Variants in ABCG5 observed in about 807,000 individuals in gnomAD.
ABCG5 encodes ATP-binding cassette sub-family G member 5.
Under a neutral mutation model 64.5 loss-of-function variants are expected in ABCG5, and 64 were observed. The observed-to-expected ratio is 0.99, with a 90% CI of 0.81 to 1.22. The LOEUF is 1.22. Ranked by LOEUF, ABCG5 falls within the 50% of genes most tolerant of loss-of-function variation. The probability of loss-of-function intolerance (pLI) is 0.00; values close to 1 mark genes in which losing one functional copy is unlikely to be tolerated. For synonymous variants in ABCG5, 385 were observed against 326.3 expected, an observed-to-expected ratio of 1.18 and a Z score of -1.94; for missense variants, 908 against 829.5, an observed-to-expected ratio of 1.09 and a Z score of -1.16.
the ABCG5 span, among the ~76,000 whole-genome samples, chr2:43,806,664 T>G: frequency 6.6e-6 from 1 of 152,206 alleles, no homozygotes; most frequent in African/African-American, 2.4e-5. Flanking sequence ...CTGTTTATAT[T>G]GTATAATGAT....
Position 43,813,866 on chromosome 2 carries a change from G to A in ABCG5, c.1763-557C>T, listed in dbSNP as rs531674434. Among the ~76,000 whole-genome samples, 18 of 151,570 alleles carry A rather than the reference G, an allele frequency of 1.2e-4. No individual in the cohort carries two copies. In the South Asian group the frequency reaches 3.3e-3, roughly 28 times the overall value. On this transcript the variant is annotated intron_variant, in intron 12 of 12. Coordinates refer to ENST00000405322, the MANE Select transcript of ABCG5 (RefSeq NM_022436.3). The stretch of plus-strand genomic sequence containing the variant: ...CTGTGTAGCTGGGATTTACAGGCAC[G>A]CACCACCACGCCTGGCTAATTTTTG...
At chr2:43,820,727 C>T (rs1376824452) in intron 10 of ABCG5, among the ~76,000 whole-genome samples, 2 of 152,206 alleles carry the variant, frequency 1.3e-5, no homozygotes, top group Non-Finnish European at 2.9e-5. Flanking sequence ...GATCTTGGCT[C>T]ATTGCAACCT....
At chr2:43,824,518 C>A (rs1457960416) in intron 7 of ABCG5, 86 bp from the exon 8 acceptor site, 2 of 1,595,632 alleles carry the variant, frequency 1.3e-6, no homozygotes, top group Non-Finnish European at 1.7e-6. Context: ...GGAGTACTGG[C>A]CATAATACCT....
intron 10 of ABCG5, among the ~76,000 whole-genome samples, chr2:43,820,660 G>A (rs1179669041): frequency 2.6e-5 from 4 of 151,910 alleles, no homozygotes. Flanking sequence ...TTTGACCTTC[G>A]TTTTCTTTTT....
In ABCG5 at chr2:43,838,565, C is replaced by A; in HGVS notation, c.115G>T (p.Gly39Cys). The A allele has an allele frequency of 6.2e-7, 1 of 1,608,016 alleles. No individual in the cohort carries two copies. The change falls in exon 1 of 13, where the codon GGC becomes TGC. Residue 39 changes from glycine (G) to cysteine (C), a missense_variant. Transcript: ENST00000405322. The surrounding 1 kb of genome is among the most constrained non-coding windows in gnomAD (Gnocchi z 4.2). ...ACGCTGTAGGAGGCATGGAGGATGC[C>A]CAGGCTGTGAGGCTCCGGGGCGGTG... ...PATAPEPHSL[G>C]ILHASYSVSH...
intron 1 of ABCG5, 30 bp from the exon 2 acceptor site, chr2:43,837,985 C>G: frequency 6.2e-7 from 1 of 1,613,260 alleles, no homozygotes; most frequent in Non-Finnish European, 8.5e-7. Context: ...AAGGCAAAGG[C>G]AGCTTGGGGC....
intron 4 of ABCG5, among the ~76,000 whole-genome samples, chr2:43,830,166 AT>A (rs534060155): frequency 1.7e-3 from 266 of 152,280 alleles, no homozygotes; most frequent in African/African-American, 6.1e-3. Context: ...CATTTACTTA[AT>A]TTGTCTCAGA....
At chr2:43,833,302 A>T (rs1188156981) in intron 2 of ABCG5, among the ~76,000 whole-genome samples, 1 of 152,062 alleles carries the variant, frequency 6.6e-6, no homozygotes, top group East Asian at 1.9e-4. Context: ...ATCTGGGAAG[A>T]TAGCAAGAGA....
intron 12 of ABCG5, 117 bp from the exon 13 acceptor site, chr2:43,813,426 A>C (rs538413682): frequency 1.3e-6 from 1 of 741,816 alleles, no homozygotes. Context: ...CACTTTAGCA[A>C]GCCCAGAGTT....
At chr2:43,818,721 A>C (rs1407689306) in intron 11 of ABCG5, among the ~76,000 whole-genome samples, 1 of 152,200 alleles carries the variant, frequency 6.6e-6, no homozygotes, top group East Asian at 1.9e-4. Context: ...CTTCGTGTGA[A>C]AAAATATCCT....
intron 9 of ABCG5, among the ~76,000 whole-genome samples, chr2:43,823,296 C>G (rs1364627362): frequency 1.4e-5 from 2 of 148,070 alleles, no homozygotes; most frequent in East Asian, 4.0e-4. Context: ...GCCCCCACCA[C>G]CAGCAGCCTG....
At chr2:43,818,419 G>C (rs1014054555) in intron 11 of ABCG5, among the ~76,000 whole-genome samples, 11 of 152,166 alleles carry the variant, frequency 7.2e-5, no homozygotes, top group Non-Finnish European at 1.5e-5. Context: ...ACTTCAGCCT[G>C]GGCGGCAGAG....
chr2:43,830,042 G>A (rs140976721), intron 4 of ABCG5, among the ~76,000 whole-genome samples: 1 of 152,344 alleles, frequency 6.6e-6, no homozygotes, highest in African/African-American at 2.4e-5. Flanking sequence ...GCTTGACACA[G>A]TGAGATTTCT....
At chr2:43,825,863 T>C (rs1667565212) in intron 6 of ABCG5, among the ~76,000 whole-genome samples, 1 of 152,196 alleles carries the variant, frequency 6.6e-6, no homozygotes, top group Non-Finnish European at 1.5e-5. Flanking sequence ...GCAGATGAAA[T>C]GAGCTATGTA....
chr2:43,838,785 C>T lies in ABCG5; in HGVS notation c.-106G>A, dbSNP rs189132480. ...AGACTGCCCTGCCTGCTCCACCTGACCCCGGAGTCCCTTGGGACAGCAGGA... is the reference window on the plus strand; with the variant it reads ...AGACTGCCCTGCCTGCTCCACCTGATCCCGGAGTCCCTTGGGACAGCAGGA... On this transcript the variant is annotated 5_prime_UTR_variant, in exon 1 of 13. Coordinates refer to ENST00000405322, the MANE Select transcript of ABCG5 (RefSeq NM_022436.3). The surrounding 1 kb of genome is among the most constrained non-coding windows in gnomAD (Gnocchi z 4.2). The T allele has an allele frequency of 1.4e-5, 22 of 1,552,808 alleles. No homozygotes were observed. The East Asian group carries it at 4.4e-4, about 31-fold the overall frequency.
chr2:43,827,755 C>T lies in ABCG5; in HGVS notation c.634+228G>A, dbSNP rs557574619. On this transcript the variant is annotated intron_variant, in intron 5 of 12. Transcript: ENST00000405322. ...CCAATGGAACACTTCAACACCAATGCAACGCTTCCGGGTCCAGGAGCTGTT... is the reference window on the plus strand; with the variant it reads ...CCAATGGAACACTTCAACACCAATGTAACGCTTCCGGGTCCAGGAGCTGTT... Among the ~76,000 whole-genome samples, 10 of 152,306 alleles carry T rather than the reference C, an allele frequency of 6.6e-5. No individual in the cohort carries two copies. The East Asian group carries it at 1.5e-3, about 23-fold the overall frequency.
In ABCG5 at chr2:43,838,504, G is replaced by C. The variant is rs1386799104; in HGVS notation, c.143+33C>G. ...GGTGAGCGCCGGGCCCCGCACTCCT[G>C]GGGGAGCAGCAGCAGCAAGGGCTCT... On this transcript the variant is annotated intron_variant, in intron 1 of 12. Transcript: ENST00000405322. The surrounding 1 kb of genome is among the most constrained non-coding windows in gnomAD (Gnocchi z 4.2). 4 of 1,575,292 alleles carry C rather than the reference G, an allele frequency of 2.5e-6. No homozygotes were observed. The highest frequency in any genetic ancestry group is 3.4e-6 in the Non-Finnish European group (4 of 1,160,142).
rs1421381361 is a variant in ABCG5 at position 43,832,184 on chromosome 2, G to A, written c.266-101C>T. ...GCAGGCATGACCCCGCGGGCCATGA[G>A]TGCTACATGACGGACCCTGTTCTAG... On this transcript the variant is annotated intron_variant, in intron 2 of 12. Coordinates refer to ENST00000405322, the MANE Select transcript of ABCG5 (RefSeq NM_022436.3). 4 of 1,489,358 alleles carry A rather than the reference G, an allele frequency of 2.7e-6. No homozygotes were observed. In the Admixed American group the frequency reaches 7.9e-5, roughly 29 times the overall value. The allele number at this position is 1,489,358 out of a possible 1,614,324, so 92.3% of individuals were successfully genotyped here.
intron 2 of ABCG5, 114 bp from the exon 3 acceptor site, chr2:43,832,197 G>T: frequency 1.4e-6 from 2 of 1,428,096 alleles, no homozygotes; most frequent in African/African-American, 1.4e-5. Context: ...CTACATGACG[G>T]ACCCTGTTCT....
Sources: gnomAD v4.1 joint callset for allele counts (sites outside exome capture counted in the v4.1 genomes callset) on GRCh38, gnomAD v4.1.1 for gene constraint, Gnocchi (gnomAD v3.1) non-coding constraint, MANE v1.5 for transcripts, NCBI Gene and HGNC (gene_info 2026-07-23, HGNC 2026-07-21) for gene names.